RBFOX3: variants seen among roughly 807,000 people sequenced by gnomAD.
RBFOX3 encodes RNA binding protein fox-1 homolog 3.
A neutral mutation model predicts 48.7 loss-of-function variants in RBFOX3; 17 were observed. The ratio of observed to expected loss-of-function variants is 0.35; its 90% CI spans 0.24 to 0.52. The LOEUF (loss-of-function observed/expected upper bound fraction) is 0.52, where lower values mean the gene tolerates loss of function less well. RBFOX3 is among the 20% of genes least tolerant of loss of function. The pLI is 0.94. For missense variants in RBFOX3, 382 were observed against 497.5 expected (o/e 0.77, Z 2.21); for synonymous variants, 212 against 209.5 (o/e 1.01, Z -0.10).
chr17:79,572,006 C>T (rs2092695920), intron 1 of RBFOX3, among the ~76,000 whole-genome samples: 3 of 152,226 alleles, frequency 2.0e-5, no homozygotes, highest in African/African-American at 7.2e-5. Flanking sequence ...GGTGCAGACA[C>T]TACCTGGTGC....
intron 1 of RBFOX3, among the ~76,000 whole-genome samples, chr17:79,509,427 G>C (rs1365905219): frequency 2.0e-5 from 3 of 151,776 alleles, no homozygotes; most frequent in African/African-American, 7.3e-5. Context: ...GGGTATATTT[G>C]TTCACTGTGA....
the RBFOX3 span, among the ~76,000 whole-genome samples, chr17:79,656,015 G>C: frequency 6.6e-6 from 1 of 152,158 alleles, no homozygotes; most frequent in South Asian, 2.1e-4. Context: ...GGGACCCCGA[G>C]GGAAGCTTTA....
chr17:79,315,738 C>T lies in RBFOX3; in HGVS notation c.-174-7914G>A, dbSNP rs906310006. On this transcript the variant is annotated intron_variant, in intron 2 of 14. Transcript: ENST00000693108. ...TAAGCCTGGCGTTTCTGCGGGCTGC[C>T]GCCCGTGCCGCCACCCTGGGGGTCT... Among the ~76,000 whole-genome samples the T allele has an allele frequency of 2.6e-5, 4 of 152,108 alleles. No individual in the cohort carries two copies. In the East Asian group the frequency reaches 5.8e-4, roughly 22 times the overall value.
chr17:79,655,601 A>G, the RBFOX3 span, among the ~76,000 whole-genome samples: 4 of 152,184 alleles, frequency 2.6e-5, no homozygotes, highest in African/African-American at 9.7e-5. Flanking sequence ...GCCTTTACTG[A>G]CCCTGACAGG....
chr17:79,374,005 C>T (rs1172450226), intron 2 of RBFOX3, among the ~76,000 whole-genome samples: 1 of 152,150 alleles, frequency 6.6e-6, no homozygotes, highest in Non-Finnish European at 1.5e-5. Flanking sequence ...ATTACAGGGG[C>T]CCACCTAATA....
chr17:79,100,012 A>C (rs1301702991), intron 9 of RBFOX3: 2 of 152,266 alleles, frequency 1.3e-5, no homozygotes, highest in Non-Finnish European at 2.9e-5. Context: ...GCCCAGGCTG[A>C]TGAAGAGATT....
intron 4 of RBFOX3, among the ~76,000 whole-genome samples, chr17:79,159,179 G>C (rs1047861761): frequency 1.8e-4 from 28 of 152,332 alleles, no homozygotes; most frequent in African/African-American, 5.3e-4. Context: ...GTGCTGGGTG[G>C]CCAGGGAGGC....
intron 1 of RBFOX3, among the ~76,000 whole-genome samples, chr17:79,592,975 C>A (rs972028426): frequency 4.5e-4 from 69 of 152,288 alleles, no homozygotes; most frequent in African/African-American, 1.6e-3. Flanking sequence ...GACCCCAAAC[C>A]ACAGTCTGCT....
At chr17:79,414,962 G>A (rs2065081789) in intron 2 of RBFOX3, among the ~76,000 whole-genome samples, 2 of 152,202 alleles carry the variant, frequency 1.3e-5, no homozygotes, top group South Asian at 2.1e-4. Flanking sequence ...GGGCTCCTGA[G>A]CCTCTGAGGT....
chr17:79,140,966 G>T (rs2041801520), intron 4 of RBFOX3, among the ~76,000 whole-genome samples: 1 of 152,198 alleles, frequency 6.6e-6, no homozygotes, highest in Non-Finnish European at 1.5e-5. Context: ...GACCCTTGCT[G>T]GGTGACAGAG....
upstream of RBFOX3, among the ~76,000 whole-genome samples, chr17:79,611,198 T>TCTCTCTCTCTCTCC (rs1386508115): frequency 1.6e-5 from 2 of 125,840 alleles, no homozygotes; most frequent in African/African-American, 6.0e-5. Flanking sequence ...TCTCTCTCTC[T>TCTCTCTCTCTCTCC]CTCTCTCTCT....
intron 1 of RBFOX3, among the ~76,000 whole-genome samples, chr17:79,581,725 C>T (rs1411989213): frequency 2.0e-5 from 3 of 152,254 alleles, no homozygotes; most frequent in Non-Finnish European, 4.4e-5. Context: ...AGGGCAGGTG[C>T]CACCTGCTCC....
chr17:79,307,626 C>A (rs1477931612), intron 3 of RBFOX3, 98 bp downstream of exon 3: 2 of 153,838 alleles, frequency 1.3e-5, no homozygotes, highest in Non-Finnish European at 2.9e-5. Context: ...CGCATCGTTC[C>A]CCATGGCGGT....
At chr17:79,263,103 G>C (rs184585529) in intron 3 of RBFOX3, among the ~76,000 whole-genome samples, 3 of 152,352 alleles carry the variant, frequency 2.0e-5, no homozygotes, top group South Asian at 4.1e-4. Context: ...CAGGCCTAGC[G>C]TGCCCCTCCA....
At chr17:79,629,369 T>A in the RBFOX3 span, among the ~76,000 whole-genome samples, 1 of 152,138 alleles carries the variant, frequency 6.6e-6, no homozygotes, top group Non-Finnish European at 1.5e-5. Context: ...AAAAGAAGAC[T>A]GAGAAATGAC....
chr17:79,535,497 C>A lies in RBFOX3; in HGVS notation c.-319-52899G>T, dbSNP rs1196568512. Among the ~76,000 whole-genome samples, 1 of 152,136 alleles carries A rather than the reference C, an allele frequency of 6.6e-6. No individual in the cohort carries two copies. Among genetic ancestry groups the A allele is most frequent in the Non-Finnish European group, 1.5e-5 (1 of 68,028 alleles). On this transcript the variant is annotated intron_variant, in intron 1 of 14. Coordinates refer to ENST00000693108, the MANE Select transcript of RBFOX3 (RefSeq NM_001350451.2). This position sits in a 1 kb window ranked among gnomAD's most constrained non-coding sequence, Gnocchi z 4.5. Reference sequence around the variant, plus strand: ...GATTCCTTTACTCTCCCCTGTTACCCAAGTGAGTCACCCCAAACGAATGAG... The same window carrying A: ...GATTCCTTTACTCTCCCCTGTTACCAAAGTGAGTCACCCCAAACGAATGAG...
intron 1 of RBFOX3, among the ~76,000 whole-genome samples, chr17:79,543,983 G>C (rs1034362813): frequency 3.9e-4 from 60 of 152,214 alleles, no homozygotes; most frequent in Non-Finnish European, 1.3e-4. Flanking sequence ...CACCAAGTAA[G>C]GGAAACTCGT....
chr17:79,525,915 A>C (rs2086732706), intron 1 of RBFOX3, among the ~76,000 whole-genome samples: 1 of 152,206 alleles, frequency 6.6e-6, no homozygotes, highest in African/African-American at 2.4e-5. Flanking sequence ...GCCCGAGAAA[A>C]GTGGCTGGAT....
chr17:79,406,331 C>T (rs929458288), intron 2 of RBFOX3, among the ~76,000 whole-genome samples: 3 of 152,166 alleles, frequency 2.0e-5, no homozygotes, highest in Non-Finnish European at 4.4e-5. Context: ...AATTCTCACC[C>T]GTGGCTCCCG....
Sources: gnomAD v4.1 joint callset for allele counts (sites outside exome capture counted in the v4.1 genomes callset) on GRCh38, gnomAD v4.1.1 for gene constraint, Gnocchi (gnomAD v3.1) non-coding constraint, MANE v1.5 for transcripts, NCBI Gene and HGNC (gene_info 2026-07-23, HGNC 2026-07-21) for gene names.